SYNPO2: variants seen among roughly 807,000 people sequenced by gnomAD.
SYNPO2 encodes synaptopodin-2.
Under a neutral mutation model 85.0 loss-of-function variants are expected in SYNPO2, and 56 were observed. That is an observed-to-expected ratio of 0.66 (90% CI 0.53 to 0.82). The LOEUF is 0.82. Among genes scored for constraint, SYNPO2 ranks in the 40% least tolerant of loss-of-function variants. The probability of loss-of-function intolerance (pLI) is 0.00; values close to 1 mark genes in which losing one functional copy is unlikely to be tolerated. For synonymous variants in SYNPO2, 602 were observed against 591.1 expected, an observed-to-expected ratio of 1.02 and a Z score of -0.27; for missense variants, 1,575 against 1,534.2, an observed-to-expected ratio of 1.03 and a Z score of -0.44.
chr4:118,933,242 A>G (rs1322522173), intron 1 of SYNPO2, among the ~76,000 whole-genome samples: 1 of 151,802 alleles, frequency 6.6e-6, no homozygotes, highest in African/African-American at 2.4e-5. Context: ...GTAGAACTTT[A>G]AGTCATGTTA....
At chr4:119,032,883 A>T in intron 4 of SYNPO2, 1 of 715,398 alleles carries the variant, frequency 1.4e-6, no homozygotes, top group Non-Finnish European at 1.7e-6. Context: ...GTAATAATGA[A>T]GTAAATGGGA....
intron 4 of SYNPO2, 62 bp downstream of exon 4, chr4:119,032,089 T>G: frequency 6.3e-7 from 1 of 1,576,146 alleles, no homozygotes; most frequent in Non-Finnish European, 8.6e-7. Context: ...TCCACTTTGC[T>G]TGAAATGAAT....
At chr4:118,934,954 T>C (rs896697883) in intron 1 of SYNPO2, among the ~76,000 whole-genome samples, 1 of 152,222 alleles carries the variant, frequency 6.6e-6, no homozygotes, top group Non-Finnish European at 1.5e-5. Flanking sequence ...AATTCAATCC[T>C]TCCACATTAC....
chr4:118,854,415 T>C (rs1339062287), intron 1 of SYNPO2, among the ~76,000 whole-genome samples: 1 of 152,246 alleles, frequency 6.6e-6, no homozygotes, highest in Non-Finnish European at 1.5e-5. Context: ...AAGAATTTTA[T>C]AGCAACATAT....
At chr4:118,998,908 TTTTC>T (rs1302349159) in intron 1 of SYNPO2, among the ~76,000 whole-genome samples, 1 of 152,146 alleles carries the variant, frequency 6.6e-6, no homozygotes, top group Non-Finnish European at 1.5e-5. Context: ...TTGTTTTGTT[TTTTC>T]TTTCTAACTT....
chr4:119,038,417 T>G (rs1427796617), intron 4 of SYNPO2: 1 of 985,170 alleles, frequency 1.0e-6, no homozygotes, highest in Non-Finnish European at 1.2e-6. Context: ...CTTCTCAAAA[T>G]TCTTTCATTT....
intron 1 of SYNPO2, among the ~76,000 whole-genome samples, chr4:118,935,383 G>A (rs1209978653): frequency 6.6e-6 from 1 of 152,096 alleles, no homozygotes; most frequent in Non-Finnish European, 1.5e-5. Context: ...CATTAATACT[G>A]GGCTTAATTG....
At chr4:119,002,701 T>G (rs1736868177) in intron 1 of SYNPO2, among the ~76,000 whole-genome samples, 1 of 152,156 alleles carries the variant, frequency 6.6e-6, no homozygotes, top group South Asian at 2.1e-4. Context: ...GATTCCCTAT[T>G]TCTTTGGTTT....
chr4:119,011,366 T>C (rs1737294692), intron 1 of SYNPO2, among the ~76,000 whole-genome samples: 1 of 152,214 alleles, frequency 6.6e-6, no homozygotes, highest in South Asian at 2.1e-4. Flanking sequence ...ACTGATTGCC[T>C]TATGACCTTA....
intron 1 of SYNPO2, among the ~76,000 whole-genome samples, chr4:118,889,684 G>T (rs1732299659): frequency 6.6e-6 from 1 of 152,140 alleles, no homozygotes; most frequent in South Asian, 2.1e-4. Flanking sequence ...CCCTTTTAAG[G>T]ATTTGACAAA....
intron 1 of SYNPO2, among the ~76,000 whole-genome samples, chr4:119,012,614 G>T (rs1207956448): frequency 6.6e-6 from 1 of 151,922 alleles, no homozygotes; most frequent in Non-Finnish European, 1.5e-5. Flanking sequence ...TGTTCTCATT[G>T]TTCAACTCCC....
chr4:119,008,207 C>G (rs76021852), intron 1 of SYNPO2, among the ~76,000 whole-genome samples: 1 of 152,160 alleles, frequency 6.6e-6, no homozygotes, highest in Non-Finnish European at 1.5e-5. Flanking sequence ...GCCCTTCTCA[C>G]TGTGGGTACT....
At chr4:119,051,191 T>G (rs1319833516) in intron 4 of SYNPO2, among the ~76,000 whole-genome samples, 2 of 135,336 alleles carry the variant, frequency 1.5e-5, no homozygotes, top group Middle Eastern at 3.3e-3. Flanking sequence ...AAGCAATTTT[T>G]TTTTTTTTTT....
intron 4 of SYNPO2, among the ~76,000 whole-genome samples, chr4:119,046,785 C>T (rs2149198900): frequency 6.6e-6 from 1 of 152,316 alleles, no homozygotes; most frequent in Non-Finnish European, 1.5e-5. Context: ...ACTTTCAGGT[C>T]AATGTGACAT....
At chr4:119,050,794 T>C (rs1375204023) in intron 4 of SYNPO2, among the ~76,000 whole-genome samples, 4 of 152,186 alleles carry the variant, frequency 2.6e-5, no homozygotes, top group Non-Finnish European at 5.9e-5. Flanking sequence ...AAGAACAGAA[T>C]ACTCTAAATG....
intron 1 of SYNPO2, among the ~76,000 whole-genome samples, chr4:118,936,525 C>T (rs1158017416): frequency 6.6e-6 from 1 of 152,004 alleles, no homozygotes; most frequent in Non-Finnish European, 1.5e-5. Context: ...AGATACTATT[C>T]GTAAACTGAA....
At chr4:119,041,571 T>C (rs929823452) in intron 4 of SYNPO2, among the ~76,000 whole-genome samples, 2 of 152,172 alleles carry the variant, frequency 1.3e-5, no homozygotes, top group African/African-American at 4.8e-5. Context: ...TTCACGTAAG[T>C]CCAATATGGG....
chr4:119,057,751 C>T lies in SYNPO2; in HGVS notation c.3603C>T (p.Val1201=), dbSNP rs1291662314. ...MGSCGRQEYN[V]TANNNMSTTS... ...CATGTGGAAGGCAAGAGTATAATGTCACAGCCAATAATAATATGTCCACCA... is the reference window on the plus strand; with the variant it reads ...CATGTGGAAGGCAAGAGTATAATGTTACAGCCAATAATAATATGTCCACCA... Residue 1201 remains valine (V), a synonymous_variant, in exon 5 of 5, where the codon GTC becomes GTT. Transcript: ENST00000307142. The T allele has an allele frequency of 6.2e-7, 1 of 1,614,090 alleles. No individual in the cohort carries two copies. Among genetic ancestry groups the T allele is most frequent in the South Asian group, 1.1e-5 (1 of 91,062 alleles).
In SYNPO2 at chr4:119,037,476, C is replaced by G. The variant is rs185881467; in HGVS notation, c.3252+5449C>G. ...ATAGTGTTTTCATTTGTCTTTTCTT[C>G]AGGATACACGGTAGAAGTCAGAGAA... On this transcript the variant is annotated intron_variant, in intron 4 of 4. Transcript: ENST00000307142. The G allele has an allele frequency of 4.8e-6, 5 of 1,042,834 alleles. No homozygotes were observed. In the Admixed American group the frequency reaches 2.1e-4, roughly 45 times the overall value. 64.6% of individuals were successfully genotyped at this position (1,042,834 alleles called of 1,614,324 possible).
Sources: gnomAD v4.1 joint callset for allele counts (sites outside exome capture counted in the v4.1 genomes callset) on GRCh38, gnomAD v4.1.1 for gene constraint, MANE v1.5 for transcripts, NCBI Gene and HGNC (gene_info 2026-07-23, HGNC 2026-07-21) for gene names.